UTP6: variants seen among roughly 807,000 people sequenced by gnomAD.
The protein encoded by UTP6 is U3 small nucleolar RNA-associated protein 6 homolog.
Under a neutral mutation model 96.5 loss-of-function variants are expected in UTP6, and 60 were observed. The ratio of observed to expected loss-of-function variants is 0.62; its 90% confidence interval spans 0.51 to 0.77. The LOEUF (loss-of-function observed/expected upper bound fraction) is 0.77, where lower values mean the gene tolerates loss of function less well. UTP6 is among the 30% of genes least tolerant of loss of function. UTP6 has a pLI of 0.00. For synonymous variants in UTP6, 215 were observed against 240.1 expected, an observed-to-expected ratio of 0.90 and a Z score of 0.96; for missense variants, 637 against 706.5, an observed-to-expected ratio of 0.90 and a Z score of 1.12.
At chr17:31,892,550 G>A (rs1034627) in intron 5 of UTP6, among the ~76,000 whole-genome samples, 197 bp downstream of exon 5, 19,894 of 152,146 alleles carry the variant, frequency 0.13, 1,478 homozygotes, top group Middle Eastern at 0.19. Context: ...ACAAACACAC[G>A]TAAAAATTAT....
chr17:31,866,887 CAAAAAAAAAAAAAAA>C (rs56235737), intron 17 of UTP6, among the ~76,000 whole-genome samples: 3 of 43,568 alleles, frequency 6.9e-5, no homozygotes, highest in African/African-American at 3.5e-4. Flanking sequence ...ACTCTTGTCT[CAAAAAAAAAAAAAAA>C]AAAAAAAAAA....
intron 9 of UTP6, 25 bp from the exon 10 acceptor site, chr17:31,884,530 G>A (rs1354801909): frequency 6.4e-7 from 1 of 1,567,924 alleles, no homozygotes; most frequent in East Asian, 2.3e-5. Context: ...CAGGGGAGGG[G>A]AAGTTTATTG....
At chr17:31,867,880 C>T (rs1418362126) in intron 17 of UTP6, among the ~76,000 whole-genome samples, 166 bp downstream of exon 17, 1 of 151,794 alleles carries the variant, frequency 6.6e-6, no homozygotes, top group Non-Finnish European at 1.5e-5. Context: ...TCACTTGAAC[C>T]TGGGAGATGG....
chr17:31,871,114 CA>C (rs2142292913), intron 16 of UTP6, among the ~76,000 whole-genome samples: 1 of 151,732 alleles, frequency 6.6e-6, no homozygotes, highest in Non-Finnish European at 1.5e-5. Context: ...CTTAGCCTCC[CA>C]AGTAGCTGGG....
chr17:31,868,146 A>G (rs932964119), intron 16 of UTP6, 34 bp from the exon 17 acceptor site: 1 of 1,595,954 alleles, frequency 6.3e-7, no homozygotes, highest in South Asian at 1.1e-5. Flanking sequence ...ATCTTCAACA[A>G]TGACAAAAAG....
chr17:31,892,768 A>G lies in UTP6; in HGVS notation c.339T>C (p.Tyr113=), dbSNP rs779528023. Residue 113 remains tyrosine, a synonymous_variant, in exon 5 of 19, where the codon TAT becomes TAC. Coordinates refer to ENST00000261708, the MANE Select transcript of UTP6 (RefSeq NM_018428.3). ...TCACCCACTTCTTACAAAAAGCCAC[A>G]TAGGAGAGCCAAAGTTGAACATCGT... The part of the protein sequence containing the change: ...WKDDVQLWLS[Y]VAFCKKWATK... 3.1e-6 allele frequency: 5 copies of G among 1,614,182 alleles called. No individual in the cohort carries two copies. The highest frequency in any genetic ancestry group is 1.7e-4 in the Middle Eastern group (1 of 6,060).
chr17:31,866,978 A>G (rs2142288131), intron 17 of UTP6, among the ~76,000 whole-genome samples: 1 of 151,188 alleles, frequency 6.6e-6, no homozygotes, highest in South Asian at 2.1e-4. Context: ...AATGGCTCAT[A>G]TGTGCACGGC....
chr17:31,868,116 A>G lies in UTP6; in HGVS notation c.1497-4T>C, dbSNP rs1389762051. Reference sequence around the variant, plus strand: ...AAATGGTCGGCTCTCCTGTAAACTAAAAAGGAAGGAGAAAACGTTATCTTC... The same window carrying G: ...AAATGGTCGGCTCTCCTGTAAACTAGAAAGGAAGGAGAAAACGTTATCTTC... On this transcript the variant is annotated splice_polypyrimidine_tract_variant and splice_region_variant and intron_variant, in intron 16 of 18. Transcript: ENST00000261708. 5 of 1,611,538 alleles carry G rather than the reference A, an allele frequency of 3.1e-6. No homozygotes were observed. Among genetic ancestry groups the G allele is most frequent in the Non-Finnish European group, 4.2e-6 (5 of 1,178,622 alleles).
At chr17:31,874,896 C>T (rs1910403525) in intron 14 of UTP6, among the ~76,000 whole-genome samples, 1 of 147,990 alleles carries the variant, frequency 6.8e-6, no homozygotes, top group African/African-American at 2.5e-5. Flanking sequence ...CACGCCACTG[C>T]ACTCCAGCCT....
At chr17:31,880,932 T>C (rs1205472554) in intron 10 of UTP6, among the ~76,000 whole-genome samples, 178 bp from the exon 11 acceptor site, 1 of 152,080 alleles carries the variant, frequency 6.6e-6, no homozygotes, top group Non-Finnish European at 1.5e-5. Context: ...GACCAGCACT[T>C]TGGGAGTCTG....
intron 16 of UTP6, among the ~76,000 whole-genome samples, chr17:31,868,566 A>G (rs1234652276): frequency 6.6e-6 from 1 of 151,936 alleles, no homozygotes; most frequent in African/African-American, 2.4e-5. Flanking sequence ...CCCGGGCTCA[A>G]GCAATCCTCC....
chr17:31,884,286 C>T (rs1911016727), intron 10 of UTP6, 138 bp downstream of exon 10: 1 of 664,218 alleles, frequency 1.5e-6, no homozygotes, highest in Non-Finnish European at 2.4e-6. Context: ...GTGTGAGCCA[C>T]TGCACCCGGC....
intron 16 of UTP6, among the ~76,000 whole-genome samples, chr17:31,871,349 T>G (rs1311033516): frequency 6.6e-6 from 1 of 152,108 alleles, no homozygotes; most frequent in Non-Finnish European, 1.5e-5. Context: ...TCTCAAATGC[T>G]TGGGATCAAG....
At chr17:31,868,272 C>T (rs76464785) in intron 16 of UTP6, among the ~76,000 whole-genome samples, 160 bp from the exon 17 acceptor site, 6 of 150,130 alleles carry the variant, frequency 4.0e-5, no homozygotes, top group Admixed American at 2.7e-4. Flanking sequence ...GTCATTCTCA[C>T]GATTCTATGA....
chr17:31,876,261 T>G (rs1202755838), intron 13 of UTP6, among the ~76,000 whole-genome samples: 2 of 151,540 alleles, frequency 1.3e-5, no homozygotes, highest in Non-Finnish European at 2.9e-5. Flanking sequence ...GGTCTTAAAC[T>G]CCTGACCTCA....
At chr17:31,881,817 C>T (rs1183961848) in intron 10 of UTP6, among the ~76,000 whole-genome samples, 1 of 152,074 alleles carries the variant, frequency 6.6e-6, no homozygotes, top group Non-Finnish European at 1.5e-5. Context: ...CCTCAGCCTC[C>T]CATGTAGCTG....
intron 15 of UTP6, 91 bp downstream of exon 15, chr17:31,873,581 TG>T: frequency 6.2e-7 from 1 of 1,603,346 alleles, no homozygotes; most frequent in South Asian, 1.1e-5. Context: ...CACTCCATAG[TG>T]CTTTAGGCGC....
chr17:31,899,094 CA>C (rs1904822243), intron 2 of UTP6, among the ~76,000 whole-genome samples: 1 of 152,122 alleles, frequency 6.6e-6, no homozygotes, highest in Non-Finnish European at 1.5e-5. Context: ...GTAATCCCAG[CA>C]TTTTGGGCGT....
chr17:31,865,362 T>G lies in UTP6; in HGVS notation c.1636+4A>C. 1 of 1,613,878 alleles carries G rather than the reference T, an allele frequency of 6.2e-7. No homozygotes were observed. The highest frequency in any genetic ancestry group is 8.5e-7 in the Non-Finnish European group (1 of 1,179,790). On this transcript the variant is annotated splice_donor_region_variant and intron_variant, in intron 18 of 18. Coordinates refer to ENST00000261708, the MANE Select transcript of UTP6 (RefSeq NM_018428.3). Reference sequence around the variant, plus strand: ...AATTGGTCACAAATTAAGGGTTTACTTACCAGAATCTGCGGATCCAAACTC... The same window carrying G: ...AATTGGTCACAAATTAAGGGTTTACGTACCAGAATCTGCGGATCCAAACTC...
Sources: gnomAD v4.1 joint callset for allele counts (sites outside exome capture counted in the v4.1 genomes callset) on GRCh38, gnomAD v4.1.1 for gene constraint, MANE v1.5 for transcripts, NCBI Gene and HGNC (gene_info 2026-07-23, HGNC 2026-07-21) for gene names.